Variants in BLTP3B observed in about 807,000 individuals in gnomAD.
BLTP3B encodes the protein UHRF1 (ICBP90) binding protein 1-like.
chr12:100,119,494 T>A, the BLTP3B span, among the ~76,000 whole-genome samples: 1 of 152,058 alleles, frequency 6.6e-6, no homozygotes, highest in South Asian at 2.1e-4. Context: ...CCAAAATAAC[T>A]CTGAAAAAGA....
chr12:100,039,082 T>C, the BLTP3B span, among the ~76,000 whole-genome samples: 915 of 152,248 alleles, frequency 6.0e-3, 6 homozygotes, highest in Non-Finnish European at 8.5e-3. Flanking sequence ...TAAATCCTCA[T>C]TGAACAGATG....
At chr12:100,092,976 G>T in the BLTP3B span, 2 of 985,022 alleles carry the variant, frequency 2.0e-6, no homozygotes, top group Non-Finnish European at 2.4e-6. Flanking sequence ...TCATTCTAAA[G>T]TTCTGAACTT....
chr12:100,123,207 AC>A, the BLTP3B span, among the ~76,000 whole-genome samples: 1 of 152,084 alleles, frequency 6.6e-6, no homozygotes, highest in East Asian at 1.9e-4. Flanking sequence ...TTAACTGAGG[AC>A]CTACTATGTG....
the BLTP3B span, among the ~76,000 whole-genome samples, chr12:100,093,930 T>C: frequency 6.6e-6 from 1 of 152,188 alleles, no homozygotes; most frequent in Non-Finnish European, 1.5e-5. Flanking sequence ...GCCTTTTCCC[T>C]ATGTCTGCCT....
At chr12:100,100,654 G>A in the BLTP3B span, among the ~76,000 whole-genome samples, 1 of 151,954 alleles carries the variant, frequency 6.6e-6, no homozygotes, top group Non-Finnish European at 1.5e-5. Flanking sequence ...CAAGGCTGCA[G>A]TGAGCCAAGA....
chr12:100,069,859 A>G, the BLTP3B span: 1 of 758,280 alleles, frequency 1.3e-6, no homozygotes, highest in South Asian at 6.0e-5. Context: ...ACCTATGGAA[A>G]TAAAAAATTT....
At chr12:100,043,626 C>A in the BLTP3B span, among the ~76,000 whole-genome samples, 2 of 152,158 alleles carry the variant, frequency 1.3e-5, no homozygotes, top group African/African-American at 4.8e-5. Context: ...CATAGCTGAC[C>A]TCTAGTGACT....
chr12:100,084,389 C>A, the BLTP3B span: 1 of 541,226 alleles, frequency 1.8e-6, no homozygotes, highest in South Asian at 3.3e-5. Context: ...CACACACACA[C>A]ACACACACAC....
the BLTP3B span, among the ~76,000 whole-genome samples, chr12:100,074,514 G>T: frequency 2.6e-5 from 4 of 151,340 alleles, no homozygotes; most frequent in East Asian, 1.9e-4. Flanking sequence ...CATAAAAATC[G>T]CTTGAACTCG....
the BLTP3B span, among the ~76,000 whole-genome samples, chr12:100,047,239 TG>T: frequency 6.6e-6 from 1 of 152,234 alleles, no homozygotes. Context: ...GGCTCGCACC[TG>T]TAATCCCAGC....
At chr12:100,092,845 A>C in the BLTP3B span, 2 of 950,610 alleles carry the variant, frequency 2.1e-6, no homozygotes, top group African/African-American at 3.6e-5. Context: ...AATATTGCAA[A>C]ATAGTCTCCT....
At chr12:100,039,557 T>C in the BLTP3B span, 1 of 1,547,432 alleles carries the variant, frequency 6.5e-7, no homozygotes, top group South Asian at 1.2e-5. Flanking sequence ...CCTAGTTATT[T>C]AATTGCTGAA....
the BLTP3B span, among the ~76,000 whole-genome samples, chr12:100,073,393 T>C: frequency 1.4e-5 from 2 of 146,522 alleles, no homozygotes; most frequent in South Asian, 4.3e-4. Flanking sequence ...AGAGACGGGG[T>C]TTCGCCATGT....
chr12:100,081,634 T>C, the BLTP3B span, among the ~76,000 whole-genome samples: 3 of 152,206 alleles, frequency 2.0e-5, no homozygotes, highest in Non-Finnish European at 2.9e-5. Context: ...GCACTCAATG[T>C]GTAGCTCCCA....
chr12:100,059,143 T>G, the BLTP3B span: 1 of 1,614,150 alleles, frequency 6.2e-7, no homozygotes, highest in Non-Finnish European at 8.5e-7. Flanking sequence ...GGCCGTCCTT[T>G]TCCACTTTTC....
the BLTP3B span, among the ~76,000 whole-genome samples, chr12:100,102,275 A>G: frequency 1.3e-5 from 2 of 151,974 alleles, no homozygotes; most frequent in South Asian, 2.1e-4. Context: ...ATGCCCAGCT[A>G]AAGTTTTTTG....
At chr12:100,051,171 T>A in the BLTP3B span, 2 of 1,614,106 alleles carry the variant, frequency 1.2e-6, no homozygotes, top group Admixed American at 1.7e-5. Flanking sequence ...GCACCAGCAT[T>A]CACACTTTCT....
the BLTP3B span, chr12:100,048,224 T>C: frequency 6.4e-7 from 1 of 1,551,058 alleles, no homozygotes; most frequent in Admixed American, 2.2e-5. Context: ...ACAAAAATGT[T>C]TGTAGCATTA....
the BLTP3B span, among the ~76,000 whole-genome samples, chr12:100,123,149 C>T: frequency 6.6e-6 from 1 of 152,062 alleles, no homozygotes; most frequent in South Asian, 2.1e-4. Context: ...GTCCTCAGTC[C>T]CTAGCAGAGT....
Sources: gnomAD v4.1 joint callset for allele counts (sites outside exome capture counted in the v4.1 genomes callset) on GRCh38, gnomAD v4.1.1 for gene constraint, MANE v1.5 for transcripts, NCBI Gene and HGNC (gene_info 2026-07-23, HGNC 2026-07-21) for gene names.